Variants in EXOC4 observed in about 807,000 individuals in gnomAD.
The protein encoded by EXOC4 is exocyst complex component 4, also known as SEC8-like 1.
In EXOC4, 71 loss-of-function variants were observed where a neutral mutation model predicts 107.2. The observed-to-expected ratio is 0.66, with a 90% CI of 0.55 to 0.81. The LOEUF (loss-of-function observed/expected upper bound fraction) is 0.81, where lower values mean the gene tolerates loss of function less well. EXOC4 is among the 30% of genes least tolerant of loss of function. The pLI, the probability that EXOC4 is intolerant of heterozygous loss-of-function variation, is 0.00. For missense variants in EXOC4, 1,108 were observed against 1,189.6 expected, an observed-to-expected ratio of 0.93 and a Z score of 1.01; for synonymous variants, 456 against 441.2, an observed-to-expected ratio of 1.03 and a Z score of -0.42.
chr7:133,472,148 A>G (rs1202659713), intron 7 of EXOC4, among the ~76,000 whole-genome samples: 1 of 152,202 alleles, frequency 6.6e-6, no homozygotes, highest in Non-Finnish European at 1.5e-5. Context: ...GGAAATATGT[A>G]CTAAAGTCAG....
At chr7:133,259,878 T>C (rs1440332147) in intron 1 of EXOC4, among the ~76,000 whole-genome samples, 1 of 152,186 alleles carries the variant, frequency 6.6e-6, no homozygotes, top group African/African-American at 2.4e-5. Context: ...TACATGTATA[T>C]GCTAGAGTGC....
chr7:133,708,236 A>G (rs1176750273), intron 10 of EXOC4, among the ~76,000 whole-genome samples: 1 of 152,216 alleles, frequency 6.6e-6, no homozygotes, highest in Non-Finnish European at 1.5e-5. Flanking sequence ...TGACTTGATA[A>G]ACTAAAATAA....
At chr7:133,949,898 A>G (rs1278434160) in intron 14 of EXOC4, among the ~76,000 whole-genome samples, 1 of 152,156 alleles carries the variant, frequency 6.6e-6, no homozygotes, top group African/African-American at 2.4e-5. Context: ...TTTAACAATC[A>G]CCACTTAAAA....
At chr7:133,635,090 C>G (rs1290853788) in intron 10 of EXOC4, among the ~76,000 whole-genome samples, 1 of 152,036 alleles carries the variant, frequency 6.6e-6, no homozygotes, top group Non-Finnish European at 1.5e-5. Context: ...TATTTCTCTT[C>G]TTTTGTGTAG....
chr7:133,670,549 G>C (rs1178653816), intron 10 of EXOC4, among the ~76,000 whole-genome samples: 1 of 150,988 alleles, frequency 6.6e-6, no homozygotes, highest in East Asian at 1.9e-4. Context: ...TTTGTCAGGG[G>C]CATGAGCCTC....
At chr7:133,864,818 C>G (rs1229137793) in intron 11 of EXOC4, among the ~76,000 whole-genome samples, 1 of 152,170 alleles carries the variant, frequency 6.6e-6, no homozygotes, top group African/African-American at 2.4e-5. Flanking sequence ...ATATCAGATT[C>G]CTCAGAGCAG....
intron 7 of EXOC4, among the ~76,000 whole-genome samples, chr7:133,474,727 A>G (rs936644407): frequency 6.6e-6 from 1 of 152,014 alleles, no homozygotes; most frequent in African/African-American, 2.4e-5. Context: ...TGGCCTTTCT[A>G]TATCTCTTTT....
At chr7:133,792,573 A>AAAC (rs1796727520) in intron 10 of EXOC4, among the ~76,000 whole-genome samples, 1 of 150,344 alleles carries the variant, frequency 6.7e-6, no homozygotes. Flanking sequence ...AAAAAAAAAA[A>AAAC]CCTAAAAGGT....
chr7:133,870,118 A>G (rs1798721000), intron 11 of EXOC4, among the ~76,000 whole-genome samples: 1 of 152,198 alleles, frequency 6.6e-6, no homozygotes. Context: ...AGGTTGCAGG[A>G]AGAGCTGGAG....
chr7:133,885,535 C>A (rs1585222885), intron 11 of EXOC4, among the ~76,000 whole-genome samples: 2 of 152,136 alleles, frequency 1.3e-5, no homozygotes, highest in South Asian at 4.1e-4. Flanking sequence ...AGTCACTGAT[C>A]AACAGGAATT....
At chr7:134,030,222 G>A (rs970317588) in intron 17 of EXOC4, among the ~76,000 whole-genome samples, 3 of 152,140 alleles carry the variant, frequency 2.0e-5, no homozygotes, top group Non-Finnish European at 2.9e-5. Flanking sequence ...TGCCCTCCTA[G>A]GTATATACCC....
At chr7:133,842,480 C>G (rs1320885099) in intron 11 of EXOC4, among the ~76,000 whole-genome samples, 2 of 152,148 alleles carry the variant, frequency 1.3e-5, no homozygotes, top group South Asian at 4.1e-4. Context: ...GTCCTTTGCC[C>G]ACTTCTTAAT....
intron 14 of EXOC4, among the ~76,000 whole-genome samples, chr7:133,991,881 G>T (rs1000262315): frequency 6.6e-6 from 1 of 152,148 alleles, no homozygotes; most frequent in Non-Finnish European, 1.5e-5. Flanking sequence ...TGAAATCAAA[G>T]TAGTGTGATG....
chr7:133,762,702 A>C (rs1471913621), intron 10 of EXOC4, among the ~76,000 whole-genome samples: 1 of 152,132 alleles, frequency 6.6e-6, no homozygotes, highest in African/African-American at 2.4e-5. Context: ...TATATAATTA[A>C]AATTACATAA....
At chr7:133,604,044 T>C (rs927192031) in intron 9 of EXOC4, among the ~76,000 whole-genome samples, 2 of 151,846 alleles carry the variant, frequency 1.3e-5, no homozygotes, top group Non-Finnish European at 2.9e-5. Flanking sequence ...TGTTAAAAAC[T>C]AGGATATAAA....
chr7:133,863,927 T>C (rs1798585411), intron 11 of EXOC4, among the ~76,000 whole-genome samples: 1 of 152,150 alleles, frequency 6.6e-6, no homozygotes, highest in Non-Finnish European at 1.5e-5. Context: ...GTTTGTTTTC[T>C]GCTTGTATCT....
At chr7:134,016,964 A>G (rs1310379514) in intron 17 of EXOC4, among the ~76,000 whole-genome samples, 2 of 152,222 alleles carry the variant, frequency 1.3e-5, no homozygotes, top group Non-Finnish European at 2.9e-5. Flanking sequence ...TTGCCCCTGA[A>G]GCGGACTTCA....
chr7:133,540,156 G>T (rs1228878425), intron 9 of EXOC4, among the ~76,000 whole-genome samples: 1 of 152,060 alleles, frequency 6.6e-6, no homozygotes, highest in Non-Finnish European at 1.5e-5. Context: ...GCCATTACTT[G>T]TTATCATTTA....
intron 11 of EXOC4, among the ~76,000 whole-genome samples, chr7:133,822,801 A>G (rs148855524): frequency 9.8e-5 from 15 of 152,366 alleles, no homozygotes; most frequent in Non-Finnish European, 1.8e-4. Context: ...TACTCTTAAC[A>G]TAACGTCGTC....
Sources: allele counts gnomAD v4.1 joint callset (sites outside exome capture counted in the v4.1 genomes callset), GRCh38; gene constraint gnomAD v4.1.1; transcripts MANE v1.5; gene names NCBI Gene and HGNC (gene_info 2026-07-23, HGNC 2026-07-21).